Variants in B3GAT2 observed in about 807,000 individuals in gnomAD.
The protein encoded by B3GAT2 is galactosylgalactosylxylosylprotein 3-beta-glucuronosyltransferase 2.
B3GAT2 carries 26 observed loss-of-function variants against 27.8 expected under a neutral mutation model. That is an observed-to-expected ratio of 0.93 (90% confidence interval 0.68 to 1.30). The LOEUF is 1.30. Ranked by LOEUF, B3GAT2 falls within the 50% of genes most tolerant of loss-of-function variation. The pLI is 0.00. For synonymous variants in B3GAT2, 218 were observed against 195.1 expected, an observed-to-expected ratio of 1.12 and a Z score of -0.98; for missense variants, 458 against 459.0, an observed-to-expected ratio of 1.00 and a Z score of 0.02.
At chr6:70,948,259 G>T (rs924554708) in intron 1 of B3GAT2, among the ~76,000 whole-genome samples, 24 of 147,374 alleles carry the variant, frequency 1.6e-4, no homozygotes, top group African/African-American at 5.8e-4. Context: ...GGAGATAAAG[G>T]GTATTCAATT....
intron 1 of B3GAT2, among the ~76,000 whole-genome samples, chr6:70,902,694 G>C (rs185793536): frequency 6.7e-6 from 1 of 149,598 alleles, no homozygotes; most frequent in Non-Finnish European, 1.5e-5. Context: ...AAACACAATA[G>C]GGTACTATTC....
At chr6:70,917,331 G>T (rs995567612) in intron 1 of B3GAT2, among the ~76,000 whole-genome samples, 4 of 151,450 alleles carry the variant, frequency 2.6e-5, no homozygotes, top group African/African-American at 9.7e-5. Context: ...TTATTTTGTT[G>T]CTCTTTTCAG....
intron 2 of B3GAT2, among the ~76,000 whole-genome samples, chr6:70,869,079 G>A (rs1277308208): frequency 1.3e-5 from 2 of 152,060 alleles, no homozygotes; most frequent in Non-Finnish European, 2.9e-5. Context: ...AGAACCTTTG[G>A]CAAAAATCAA....
chr6:70,868,432 G>C (rs887928784), intron 2 of B3GAT2, among the ~76,000 whole-genome samples: 1 of 152,174 alleles, frequency 6.6e-6, no homozygotes, highest in African/African-American at 2.4e-5. Flanking sequence ...TTCTTCTATT[G>C]TGTAAGTATC....
Position 70,939,526 on chromosome 6 carries a change from A to G in B3GAT2, c.591+16313T>C, listed in dbSNP as rs555844789. Among the ~76,000 whole-genome samples the G allele has an allele frequency of 2.0e-5, 3 of 151,722 alleles. No homozygotes were observed. In the South Asian group the frequency reaches 6.3e-4, roughly 32 times the overall value. Reference sequence around the variant, plus strand: ...TGTCCAACAATGATAGACTGGATTAAGAAAATGTGGCATATATACACCATG... The same window carrying G: ...TGTCCAACAATGATAGACTGGATTAGGAAAATGTGGCATATATACACCATG... On this transcript the variant is annotated intron_variant, in intron 1 of 3. Transcript: ENST00000230053.
At chr6:70,869,216 T>A (rs573685286) in intron 2 of B3GAT2, among the ~76,000 whole-genome samples, 13 of 152,300 alleles carry the variant, frequency 8.5e-5, no homozygotes, top group Non-Finnish European at 1.3e-4. Context: ...GGTCTTCCTA[T>A]GTTGTCCAGG....
chr6:70,857,948 C>A lies in B3GAT2; in HGVS notation c.*3715G>T, dbSNP rs1771504905. 1.2e-6 allele frequency: 2 copies of A among 1,613,912 alleles called. No individual in the cohort carries two copies. The highest frequency in any genetic ancestry group is 1.3e-5 in the African/African-American group (1 of 74,884). ...TGTATTTATGGGACCCACAAATATA[C>A]CATTTACCTCACAAGCACCAGCTGC... On this transcript the variant is annotated 3_prime_UTR_variant, in exon 4 of 4. Coordinates refer to ENST00000230053, the MANE Select transcript of B3GAT2 (RefSeq NM_080742.3).
chr6:70,934,417 T>G (rs1773109640), intron 1 of B3GAT2, among the ~76,000 whole-genome samples: 1 of 133,078 alleles, frequency 7.5e-6, no homozygotes, highest in Admixed American at 8.4e-5. Context: ...GCCTGACTGC[T>G]CACCCATCCT....
chr6:70,950,371 A>G (rs1765560624), intron 1 of B3GAT2, among the ~76,000 whole-genome samples: 1 of 152,186 alleles, frequency 6.6e-6, no homozygotes, highest in Admixed American at 6.5e-5. Context: ...GAGAAAGCTA[A>G]GAGTTGACAT....
chr6:70,947,201 A>T (rs2150051759), intron 1 of B3GAT2, among the ~76,000 whole-genome samples: 1 of 152,072 alleles, frequency 6.6e-6, no homozygotes, highest in East Asian at 1.9e-4. Context: ...CACATTCAAA[A>T]GCTAGCAGAA....
In B3GAT2 at chr6:70,861,977, TCCTTTGTGAAAAATAAAAA is replaced by T; in HGVS notation, c.737-18_737del. On this transcript the variant is annotated splice_acceptor_variant and splice_polypyrimidine_tract_variant and coding_sequence_variant and intron_variant, in exon 3 of 4. Transcript: ENST00000230053. LOFTEE classifies it high-confidence loss of function. ...AAATGACTTGAAGACTTACAGCAAA[TCCTTTGTGAAAAATAAAAA>T]AAAAAAAGAGACTTTAAAATCCTGG... 6.3e-7 allele frequency: 1 copy of T among 1,576,152 alleles called. No individual in the cohort carries two copies. The highest frequency in any genetic ancestry group is 8.6e-7 in the Non-Finnish European group (1 of 1,165,896).
rs1562241338 is a variant in B3GAT2 at position 70,956,969 on chromosome 6, G to T, written c.-540C>A. The T allele has an allele frequency of 4.0e-6, 4 of 1,009,588 alleles. No homozygotes were observed. The highest frequency in any genetic ancestry group is 4.7e-6 in the Non-Finnish European group (4 of 846,512). 62.5% of individuals were successfully genotyped at this position (1,009,588 alleles called of 1,614,324 possible). The stretch of plus-strand genomic sequence containing the variant: ...GCGAGGAGCGGGTGGAGACGCTGGG[G>T]GTTGTGTCCCGGCTGTGTTCGCGCG... On this transcript the variant is annotated 5_prime_UTR_variant, in exon 1 of 4. Coordinates refer to ENST00000230053, the MANE Select transcript of B3GAT2 (RefSeq NM_080742.3).
chr6:70,896,780 T>C (rs1772394125), intron 1 of B3GAT2, among the ~76,000 whole-genome samples: 1 of 152,264 alleles, frequency 6.6e-6, no homozygotes, highest in African/African-American at 2.4e-5. Context: ...TATTGCGTAG[T>C]TCATACCACA....
chr6:70,950,718 C>T (rs1195429695), intron 1 of B3GAT2, among the ~76,000 whole-genome samples: 3 of 152,158 alleles, frequency 2.0e-5, no homozygotes, highest in Non-Finnish European at 4.4e-5. Flanking sequence ...GGGACTGCGT[C>T]CATAACTAAA....
chr6:70,887,905 G>A lies in B3GAT2; in HGVS notation c.736+6223C>T, dbSNP rs552088643. On this transcript the variant is annotated intron_variant, in intron 2 of 3. Coordinates refer to ENST00000230053, the MANE Select transcript of B3GAT2 (RefSeq NM_080742.3). ...GATCTCTGCCCGCAAAGATTGAGTA[G>A]AGGGGAACAAGAATAGTAAGGTGGG... Among the ~76,000 whole-genome samples, 7 of 152,282 alleles carry A rather than the reference G, an allele frequency of 4.6e-5. No individual in the cohort carries two copies. The South Asian group carries it at 1.2e-3, about 27-fold the overall frequency.
At chr6:70,891,807 T>C (rs2460694) in intron 2 of B3GAT2, among the ~76,000 whole-genome samples, 36,867 of 150,866 alleles carry the variant, frequency 0.24, 4,809 homozygotes, top group Non-Finnish European at 0.26. Flanking sequence ...GGAAATGAGG[T>C]GGGAAGCACC....
intron 1 of B3GAT2, among the ~76,000 whole-genome samples, chr6:70,900,280 G>A (rs1410820453): frequency 6.6e-6 from 1 of 152,196 alleles, no homozygotes; most frequent in Non-Finnish European, 1.5e-5. Flanking sequence ...CACTCCTCCA[G>A]GCTGAATGCC....
In B3GAT2 at chr6:70,894,066, G is replaced by C. The variant is rs963424668; in HGVS notation, c.736+62C>G. ...TAAAGCTTCCTTCATCTAGTGCATC[G>C]TTATAAACAAGAGCATAAGAACAGT... On this transcript the variant is annotated intron_variant, in intron 2 of 3. Coordinates refer to ENST00000230053, the MANE Select transcript of B3GAT2 (RefSeq NM_080742.3). 10 of 1,442,380 alleles carry C rather than the reference G, an allele frequency of 6.9e-6. No individual in the cohort carries two copies. In the African/African-American group the frequency reaches 1.4e-4, roughly 20 times the overall value. 89.3% of individuals were successfully genotyped at this position (1,442,380 alleles called of 1,614,324 possible).
At chr6:70,951,129 G>A (rs991960242) in intron 1 of B3GAT2, among the ~76,000 whole-genome samples, 1 of 152,034 alleles carries the variant, frequency 6.6e-6, no homozygotes, top group African/African-American at 2.4e-5. Flanking sequence ...ACTTACACAG[G>A]CTGAATATTC....
Sources: gnomAD v4.1 joint callset for allele counts (sites outside exome capture counted in the v4.1 genomes callset) on GRCh38, gnomAD v4.1.1 for gene constraint, MANE v1.5 for transcripts, NCBI Gene and HGNC (gene_info 2026-07-23, HGNC 2026-07-21) for gene names.